ADAMTS17: variants seen among roughly 807,000 people sequenced by gnomAD.
ADAMTS17 encodes the protein A disintegrin and metalloproteinase with thrombospondin motifs 17.
Under a neutral mutation model 141.5 loss-of-function variants are expected in ADAMTS17, and 113 were observed. The observed-to-expected ratio is 0.80, with a 90% CI of 0.69 to 0.93. The LOEUF (loss-of-function observed/expected upper bound fraction) is 0.93, where lower values mean the gene tolerates loss of function less well. Ranked by LOEUF, ADAMTS17 falls within the 40% of genes least tolerant of loss-of-function variation. The probability of loss-of-function intolerance (pLI) is 0.00; values close to 1 mark genes in which losing one functional copy is unlikely to be tolerated. For synonymous variants in ADAMTS17, 768 were observed against 630.6 expected (o/e 1.22, Z -3.27); for missense variants, 1,659 against 1,517.9 (o/e 1.09, Z -1.54).
At chr15:99,992,930 T>C in intron 20 of ADAMTS17, 118 bp downstream of exon 20, 1 of 1,297,124 alleles carries the variant, frequency 7.7e-7, no homozygotes, top group Admixed American at 1.9e-5. Flanking sequence ...GAAAATGAAT[T>C]TGCCTAGTTA....
chr15:100,007,574 T>A (rs1053320066), intron 18 of ADAMTS17, among the ~76,000 whole-genome samples: 1 of 152,004 alleles, frequency 6.6e-6, no homozygotes, highest in Admixed American at 6.6e-5. Context: ...AGGGTGGAGA[T>A]GACAGCGTCT....
chr15:100,281,681 G>A (rs2044289778), intron 3 of ADAMTS17, among the ~76,000 whole-genome samples: 1 of 152,210 alleles, frequency 6.6e-6, no homozygotes, highest in Non-Finnish European at 1.5e-5. Context: ...GAGGGGAACA[G>A]AGGAGAAAAC....
At position 100,096,424 on chromosome 15, in the gene ADAMTS17, C is replaced by T. The variant is rs1180601807; in HGVS notation, c.2069G>A (p.Gly690Glu). 6.2e-7 allele frequency: 1 copy of T among 1,614,186 alleles called. No individual in the cohort carries two copies. Among genetic ancestry groups the T allele is most frequent in the South Asian group, 1.1e-5 (1 of 91,090 alleles). The part of the protein sequence containing the change: ...IGSAAKEDRC[G>E]VCSGDGKTCH... The stretch of plus-strand genomic sequence containing the variant: ...GGTCTTGCCGTCCCCGCTGCAGACC[C>T]CGCATCTGTCCTCTTTGGCTGCAGA... Residue 690 changes from glycine to glutamate, a missense_variant, in exon 15 of 22, where the codon GGG becomes GAG. By Grantham distance (98) the Gly-to-Glu change is moderately conservative (BLOSUM62 -2). Transcript: ENST00000268070.
chr15:100,041,279 T>A (rs2031229790), intron 18 of ADAMTS17, among the ~76,000 whole-genome samples: 1 of 152,246 alleles, frequency 6.6e-6, no homozygotes, highest in Non-Finnish European at 1.5e-5. Flanking sequence ...TAATTCAATG[T>A]ACAGTACAGC....
intron 7 of ADAMTS17, among the ~76,000 whole-genome samples, chr15:100,206,492 C>A (rs554553722): frequency 4.6e-5 from 7 of 152,138 alleles, no homozygotes; most frequent in African/African-American, 1.7e-4. Context: ...GCGCCTATTT[C>A]GGTCAATAAT....
At position 100,331,026 on chromosome 15, in the gene ADAMTS17, T is replaced by C. The variant is rs1302181426; in HGVS notation, c.479A>G (p.Gln160Arg). ...LVGLIQLGQE[Q>R]VLIQPLNNSQ... Reference sequence around the variant, plus strand: ...GTTGTTGAGGGGCTGGATTAGCACCTGCTCCTGCCCAAGCTGAATGAGGCC... The same window carrying C: ...GTTGTTGAGGGGCTGGATTAGCACCCGCTCCTGCCCAAGCTGAATGAGGCC... Residue 160 changes from glutamine (Q) to arginine (R), a missense_variant, in exon 3 of 22, where the codon CAG (glutamine) becomes CGG (arginine). Coordinates refer to ENST00000268070, the MANE Select transcript of ADAMTS17 (RefSeq NM_139057.4). 1.9e-6 allele frequency: 3 copies of C among 1,614,150 alleles called. No homozygotes were observed. Among genetic ancestry groups the C allele is most frequent in the South Asian group, 2.2e-5 (2 of 91,076 alleles).
intron 15 of ADAMTS17, among the ~76,000 whole-genome samples, chr15:100,092,694 T>C (rs141875823): frequency 4.6e-5 from 7 of 152,280 alleles, no homozygotes; most frequent in Non-Finnish European, 1.0e-4. Flanking sequence ...TGAACAAATA[T>C]GTGACACATG....
At chr15:100,266,806 G>T (rs992556701) in intron 4 of ADAMTS17, among the ~76,000 whole-genome samples, 1 of 152,070 alleles carries the variant, frequency 6.6e-6, no homozygotes, top group Non-Finnish European at 1.5e-5. Flanking sequence ...CACTTACCAC[G>T]CTCTGGTTTT....
At chr15:100,245,114 C>T (rs1270866079) in intron 7 of ADAMTS17, among the ~76,000 whole-genome samples, 1 of 152,198 alleles carries the variant, frequency 6.6e-6, no homozygotes, top group Non-Finnish European at 1.5e-5. Flanking sequence ...GAACAAGAGA[C>T]ACTCCTTCTA....
chr15:100,327,055 C>A (rs2045922037), intron 3 of ADAMTS17, among the ~76,000 whole-genome samples: 1 of 152,084 alleles, frequency 6.6e-6, no homozygotes, highest in Non-Finnish European at 1.5e-5. Context: ...CCAGAGGTTG[C>A]ACATTTTTTT....
chr15:100,275,529 G>A (rs2044051789), intron 4 of ADAMTS17, among the ~76,000 whole-genome samples: 1 of 152,194 alleles, frequency 6.6e-6, no homozygotes, highest in South Asian at 2.1e-4. Context: ...AGAAAGAAAG[G>A]ATGGGTTCCA....
chr15:100,149,831 ACT>A (rs1336456227), intron 10 of ADAMTS17, among the ~76,000 whole-genome samples: 1 of 152,148 alleles, frequency 6.6e-6, no homozygotes, highest in Non-Finnish European at 1.5e-5. Flanking sequence ...TCTTTTCGGC[ACT>A]GAGGAATAAG....
At chr15:100,246,935 G>A (rs139971565) in intron 7 of ADAMTS17, among the ~76,000 whole-genome samples, 3,190 of 151,354 alleles carry the variant, frequency 0.021, 58 homozygotes, top group South Asian at 0.055. Flanking sequence ...CCAGGCTGGA[G>A]TGCAATGGCA....
In ADAMTS17 at chr15:100,146,582, C is replaced by T. The variant is rs138366522; in HGVS notation, c.1473+6030G>A. Among the ~76,000 whole-genome samples the T allele has an allele frequency of 6.2e-4, 95 of 152,248 alleles. 1 individual carries two copies. The East Asian group carries it at 0.017, about 27-fold the overall frequency. On this transcript the variant is annotated intron_variant, in intron 10 of 21. Coordinates refer to ENST00000268070, the MANE Select transcript of ADAMTS17 (RefSeq NM_139057.4). ...TGTTTGAACAAATATGAAATCTGGG[C>T]ACCTTGAAAAAAGAACAGGATAACA...
At chr15:100,054,405 T>G (rs922670) in intron 15 of ADAMTS17, among the ~76,000 whole-genome samples, 1 of 151,998 alleles carries the variant, frequency 6.6e-6, no homozygotes, top group Non-Finnish European at 1.5e-5. Context: ...ACTAAACTTA[T>G]CCAGCAGATG....
rs1401675775 is a variant in ADAMTS17 at position 100,048,889 on chromosome 15, G to T, written c.2559C>A (p.Val853=). 1 of 1,614,092 alleles carries T rather than the reference G, an allele frequency of 6.2e-7. No homozygotes were observed. ...CPQASRPEPQ[V]RRCNLHPCQS... is the part of the protein sequence containing the mutation. Reference sequence around the variant, plus strand: ...GGCAGGGGTGCAAGTTGCACCTTCGGACCTGGGGCTCTGGGCGGCTTGCTT... The same window carrying T: ...GGCAGGGGTGCAAGTTGCACCTTCGTACCTGGGGCTCTGGGCGGCTTGCTT... The change falls in exon 18 of 22, where the codon GTC becomes GTA. Residue 853 remains valine (V), a synonymous_variant. Coordinates refer to ENST00000268070, the MANE Select transcript of ADAMTS17 (RefSeq NM_139057.4).
chr15:100,302,577 T>A (rs887802960), intron 3 of ADAMTS17, among the ~76,000 whole-genome samples: 2 of 152,218 alleles, frequency 1.3e-5, no homozygotes, highest in Admixed American at 1.3e-4. Flanking sequence ...TTTTTTACTA[T>A]AACCATCCAA....
At chr15:100,137,277 G>C (rs1353913423) in intron 10 of ADAMTS17, among the ~76,000 whole-genome samples, 1 of 152,212 alleles carries the variant, frequency 6.6e-6, no homozygotes, top group Non-Finnish European at 1.5e-5. Context: ...AGAAGAACCG[G>C]CTGGGAAGAA....
At chr15:100,287,355 A>G (rs2044480146) in intron 3 of ADAMTS17, among the ~76,000 whole-genome samples, 1 of 152,246 alleles carries the variant, frequency 6.6e-6, no homozygotes, top group African/African-American at 2.4e-5. Context: ...GAAAAAAAGA[A>G]TGAATAAAAC....
Sources: gnomAD v4.1 joint callset for allele counts (sites outside exome capture counted in the v4.1 genomes callset) on GRCh38, gnomAD v4.1.1 for gene constraint, MANE v1.5 for transcripts, NCBI Gene and HGNC (gene_info 2026-07-23, HGNC 2026-07-21) for gene names.